NALF1: variants seen among roughly 807,000 people sequenced by gnomAD.
NALF1 encodes family with sequence similarity 155 member A.
NALF1 carries 3 observed loss-of-function variants against 48.4 expected under a neutral mutation model. The observed-to-expected ratio is 0.06, with a 90% confidence interval of 0.03 to 0.16. The LOEUF (loss-of-function observed/expected upper bound fraction) is 0.16. Ranked by LOEUF, NALF1 falls within the 10% of genes least tolerant of loss-of-function variation. The pLI, the probability that NALF1 is intolerant of heterozygous loss-of-function variation, is 1.00. For synonymous variants in NALF1, 262 were observed against 245.7 expected (o/e 1.07, Z -0.62); for missense variants, 526 against 571.5 (o/e 0.92, Z 0.81).
chr13:107,218,469 G>A (rs1036284584), intron 1 of NALF1, among the ~76,000 whole-genome samples: 5 of 152,142 alleles, frequency 3.3e-5, no homozygotes, highest in African/African-American at 9.7e-5. Context: ...ATTGGTTAGC[G>A]TGAGAGCCAG....
At chr13:107,575,288 T>A (rs960094351) in intron 1 of NALF1, among the ~76,000 whole-genome samples, 8 of 152,138 alleles carry the variant, frequency 5.3e-5, no homozygotes, top group African/African-American at 1.9e-4. Flanking sequence ...TTCAAGTCCA[T>A]TTGGTAGGAT....
At chr13:107,545,808 C>T (rs942228782) in intron 1 of NALF1, among the ~76,000 whole-genome samples, 16 of 152,088 alleles carry the variant, frequency 1.1e-4, no homozygotes, top group Admixed American at 1.0e-3. Context: ...TGGGTGGATT[C>T]TATGTATGAC....
At chr13:107,781,304 G>C (rs1877879676) in intron 1 of NALF1, among the ~76,000 whole-genome samples, 1 of 152,124 alleles carries the variant, frequency 6.6e-6, no homozygotes, top group African/African-American at 2.4e-5. Flanking sequence ...GGTGCTATAT[G>C]ACAGAGTATC....
chr13:107,644,960 C>G (rs929081861), intron 1 of NALF1, among the ~76,000 whole-genome samples: 5 of 151,966 alleles, frequency 3.3e-5, no homozygotes, highest in African/African-American at 4.8e-5. Flanking sequence ...TATCTTCTTG[C>G]TATTTTGTGT....
intron 1 of NALF1, among the ~76,000 whole-genome samples, chr13:107,302,233 C>T (rs1194229949): frequency 6.6e-6 from 1 of 152,192 alleles, no homozygotes; most frequent in Non-Finnish European, 1.5e-5. Context: ...GGATTCCCAC[C>T]AGACGCAGTC....
intron 1 of NALF1, among the ~76,000 whole-genome samples, chr13:107,786,456 G>T (rs2138583204): frequency 6.9e-6 from 1 of 145,766 alleles, no homozygotes; most frequent in African/African-American, 2.5e-5. Flanking sequence ...GGGCGCGGTG[G>T]CTCACTCCTG....
intron 1 of NALF1, among the ~76,000 whole-genome samples, chr13:107,619,458 T>C (rs1178031986): frequency 1.3e-5 from 2 of 152,266 alleles, no homozygotes; most frequent in African/African-American, 4.8e-5. Context: ...CACAGCCCCA[T>C]GGAACCCTGG....
At chr13:107,835,399 T>C (rs2138630684) in intron 1 of NALF1, 1 of 152,274 alleles carries the variant, frequency 6.6e-6, no homozygotes, top group African/African-American at 2.4e-5. Context: ...CAGCATGACT[T>C]ACCTTCACTA....
At chr13:107,721,342 C>G (rs1431661787) in intron 1 of NALF1, among the ~76,000 whole-genome samples, 1 of 152,174 alleles carries the variant, frequency 6.6e-6, no homozygotes, top group East Asian at 1.9e-4. Flanking sequence ...CACAGTCCAG[C>G]CCCTCCACTG....
At chr13:107,614,173 T>A (rs1381281200) in intron 1 of NALF1, among the ~76,000 whole-genome samples, 1 of 152,138 alleles carries the variant, frequency 6.6e-6, no homozygotes, top group East Asian at 1.9e-4. Context: ...AAATACCAAA[T>A]CTCTCATATC....
chr13:107,702,006 G>C (rs1881833670), intron 1 of NALF1, among the ~76,000 whole-genome samples: 1 of 152,118 alleles, frequency 6.6e-6, no homozygotes, highest in Non-Finnish European at 1.5e-5. Context: ...TGGCTACAAA[G>C]TATAATAAAT....
chr13:107,300,235 C>T (rs1881812519), intron 1 of NALF1, among the ~76,000 whole-genome samples: 1 of 152,186 alleles, frequency 6.6e-6, no homozygotes, highest in African/African-American at 2.4e-5. Flanking sequence ...ATCCAAAGTT[C>T]CTGTTCTGAT....
chr13:107,563,166 A>T (rs1877695375), intron 1 of NALF1, among the ~76,000 whole-genome samples: 2 of 152,352 alleles, frequency 1.3e-5, no homozygotes, highest in Admixed American at 6.5e-5. Context: ...ATGAAGGAGA[A>T]AACACTTTTG....
intron 2 of NALF1, among the ~76,000 whole-genome samples, chr13:107,177,591 A>G (rs1406699590): frequency 6.6e-6 from 1 of 152,318 alleles, no homozygotes; most frequent in African/African-American, 2.4e-5. Context: ...ACAAATCCAC[A>G]CATCTACAGT....
intron 1 of NALF1, among the ~76,000 whole-genome samples, chr13:107,257,872 T>G (rs1880851599): frequency 6.6e-6 from 1 of 151,954 alleles, no homozygotes; most frequent in Non-Finnish European, 1.5e-5. Flanking sequence ...CTACCAGGAG[T>G]AGAATAAGAG....
At chr13:107,548,020 A>G (rs550152922) in intron 1 of NALF1, among the ~76,000 whole-genome samples, 20 of 152,068 alleles carry the variant, frequency 1.3e-4, no homozygotes, top group African/African-American at 4.8e-4. Flanking sequence ...CAGGTTTGTT[A>G]TATAGGTGAA....
chr13:107,838,176 C>T (rs1879951462), intron 1 of NALF1, among the ~76,000 whole-genome samples: 1 of 152,000 alleles, frequency 6.6e-6, no homozygotes, highest in African/African-American at 2.4e-5. Context: ...ACCATAGGCC[C>T]TCTGAATGTA....
At chr13:107,471,853 A>G (rs540180320) in intron 1 of NALF1, among the ~76,000 whole-genome samples, 14 of 152,352 alleles carry the variant, frequency 9.2e-5, no homozygotes, top group Admixed American at 6.5e-4. Context: ...TCTCATCCCA[A>G]TGTATTATTT....
At chr13:107,786,215 G>A (rs1216663159) in intron 1 of NALF1, among the ~76,000 whole-genome samples, 2 of 151,850 alleles carry the variant, frequency 1.3e-5, no homozygotes, top group South Asian at 2.1e-4. Flanking sequence ...TCAAGAGTTC[G>A]AGACTGGTCT....
Sources: allele counts gnomAD v4.1 joint callset (sites outside exome capture counted in the v4.1 genomes callset), GRCh38; gene constraint gnomAD v4.1.1; transcripts MANE v1.5; gene names NCBI Gene and HGNC (gene_info 2026-07-23, HGNC 2026-07-21).